The following SCFD1 variants were observed in gnomAD, a reference collection of about 807,000 sequenced individuals.
SCFD1 encodes the protein sec1 family domain containing 1.
In SCFD1, 37 loss-of-function variants were observed where a neutral mutation model predicts 103.2. The observed-to-expected ratio is 0.36, with a 90% CI of 0.28 to 0.47. The LOEUF (loss-of-function observed/expected upper bound fraction) is 0.47, where lower values mean the gene tolerates loss of function less well. Ranked by LOEUF, SCFD1 falls within the 20% of genes least tolerant of loss-of-function variation. The pLI, the probability that SCFD1 is intolerant of heterozygous loss-of-function variation, is 1.00. For synonymous variants in SCFD1, 264 were observed against 245.0 expected (o/e 1.08, Z -0.73); for missense variants, 639 against 761.2 (o/e 0.84, Z 1.89).
At chr14:30,622,267 C>A, upstream of SCFD1, 1 of 1,577,138 alleles carries the variant, frequency 6.3e-7, no homozygotes, top group Non-Finnish European at 8.6e-7. Flanking sequence ...GCTTTGCTTC[C>A]GGGGCGGTAA....
rs1057410226 is a variant in SCFD1, at chr14:30,628,414, G to C, written c.132+135G>C. On this transcript the variant is annotated intron_variant, in intron 2 of 24. Transcript: ENST00000458591. ...TGAATGTTTTATCCTTATTTAACATGATCTCTTAATATGAATTGTTTTGAC... is the reference window on the plus strand; with the variant it reads ...TGAATGTTTTATCCTTATTTAACATCATCTCTTAATATGAATTGTTTTGAC... The C allele has an allele frequency of 1.5e-5, 9 of 590,606 alleles. 1 individual carries two copies. In the East Asian group the frequency reaches 2.3e-4, roughly 15 times the overall value. The allele number at this position is 590,606 out of a possible 1,614,324, so 36.6% of individuals were successfully genotyped here. A position where few individuals can be genotyped will look rare whatever the true frequency, so the allele number is the denominator to read the frequency against.
At position 30,694,914 on chromosome 14, in the gene SCFD1, G is replaced by A. The variant is rs75019035; in HGVS notation, c.1339+45G>A. The A allele has an allele frequency of 4.5e-3, 6,970 of 1,555,670 alleles. 268 individuals are homozygous for A. In the African/African-American group the frequency reaches 0.085, roughly 19 times the overall value. On this transcript the variant is annotated intron_variant, in intron 15 of 24. Transcript: ENST00000458591. ...GGTTAATGTAAGTTTCATATCTGACGAAAGCAGCATTTTCAATTGAGTAAA... is the reference window on the plus strand; with the variant it reads ...GGTTAATGTAAGTTTCATATCTGACAAAAGCAGCATTTTCAATTGAGTAAA...
intron 15 of SCFD1, among the ~76,000 whole-genome samples, chr14:30,698,834 C>T (rs1338668414): frequency 6.6e-6 from 1 of 152,140 alleles, no homozygotes; most frequent in Non-Finnish European, 1.5e-5. Context: ...TTCATGAATT[C>T]CTGGGTTCAC....
intron 19 of SCFD1, among the ~76,000 whole-genome samples, chr14:30,713,959 C>T (rs983827087): frequency 1.3e-5 from 2 of 152,210 alleles, no homozygotes; most frequent in African/African-American, 2.4e-5. Flanking sequence ...TTATTTAAAG[C>T]ACATTTAAAT....
chr14:30,675,094 A>G (rs773285583), intron 14 of SCFD1, 29 bp downstream of exon 14: 5 of 1,246,784 alleles, frequency 4.0e-6, no homozygotes, highest in East Asian at 2.5e-5. Flanking sequence ...CCCCCACAAT[A>G]TGACTTGCAT....
intron 10 of SCFD1, among the ~76,000 whole-genome samples, chr14:30,664,293 G>C (rs921405391): frequency 1.3e-5 from 2 of 152,092 alleles, no homozygotes; most frequent in Non-Finnish European, 2.9e-5. Flanking sequence ...AACTCCAACA[G>C]ACCTGCAGCT....
intron 15 of SCFD1, among the ~76,000 whole-genome samples, chr14:30,699,346 T>C (rs1239969840): frequency 6.6e-6 from 1 of 152,160 alleles, no homozygotes; most frequent in Non-Finnish European, 1.5e-5. Flanking sequence ...ATACAACAAT[T>C]CTGAGTTCTT....
intron 9 of SCFD1, among the ~76,000 whole-genome samples, chr14:30,652,930 G>C (rs746290471): frequency 6.6e-6 from 1 of 152,024 alleles, no homozygotes; most frequent in East Asian, 1.9e-4. Context: ...GATTACTTGA[G>C]CCTGGGAAGT....
At chr14:30,663,749 C>T (rs1887656991) in intron 10 of SCFD1, among the ~76,000 whole-genome samples, 1 of 152,226 alleles carries the variant, frequency 6.6e-6, no homozygotes. Flanking sequence ...CTTAAAAGCA[C>T]TGCCTCTGAA....
At chr14:30,697,985 A>G (rs1890810765) in intron 15 of SCFD1, among the ~76,000 whole-genome samples, 2 of 152,180 alleles carry the variant, frequency 1.3e-5, no homozygotes, top group African/African-American at 4.8e-5. Flanking sequence ...GTCATGTAGT[A>G]TATCACATCG....
chr14:30,631,361 A>G (rs555102336), intron 3 of SCFD1, among the ~76,000 whole-genome samples: 1 of 152,294 alleles, frequency 6.6e-6, no homozygotes, highest in East Asian at 1.9e-4. Context: ...TCAAAATTTA[A>G]AAAAAATTAA....
chr14:30,702,640 A>G (rs1891159397), intron 17 of SCFD1, among the ~76,000 whole-genome samples: 1 of 152,214 alleles, frequency 6.6e-6, no homozygotes, highest in South Asian at 2.1e-4. Context: ...GTCTGGAGTC[A>G]AATGTCTCCA....
Position 30,650,643 on chromosome 14 carries a change from C to A in SCFD1, c.748C>A (p.Gln250Lys). 1 of 1,574,198 alleles carries A rather than the reference C, an allele frequency of 6.4e-7. No homozygotes were observed. The highest frequency in any genetic ancestry group is 8.7e-7 in the Non-Finnish European group (1 of 1,144,996). ...TACAGGTGATACACTTGGAGCTGGC[C>A]AATTCAGGTATTACTGTTATTAAAT... is the stretch of plus-strand genomic sequence containing the variant. The part of the protein sequence containing the change: ...LFTGDTLGAG[Q>K]FSFQRPLLVL... The change falls in exon 9 of 25, where the codon CAA becomes AAA. Residue 250 changes from glutamine to lysine, a missense_variant. Physicochemically the swap from Gln to Lys is moderately conservative, Grantham distance 53. Transcript: ENST00000458591.
intron 6 of SCFD1, among the ~76,000 whole-genome samples, chr14:30,642,483 A>C (rs572719214): frequency 6.6e-6 from 1 of 152,248 alleles, no homozygotes; most frequent in South Asian, 2.1e-4. Flanking sequence ...CGTCCAGAGA[A>C]TTTTTCCCCA....
chr14:30,720,618 G>C (rs1892590136), intron 21 of SCFD1, among the ~76,000 whole-genome samples: 3 of 151,980 alleles, frequency 2.0e-5, no homozygotes, highest in Admixed American at 6.6e-5. Flanking sequence ...TTTTTTTCTT[G>C]TGTTTATTCT....
At chr14:30,704,772 A>G (rs1891354335) in intron 17 of SCFD1, among the ~76,000 whole-genome samples, 1 of 152,180 alleles carries the variant, frequency 6.6e-6, no homozygotes. Context: ...AAGAATCATT[A>G]TGAAAGAATA....
chr14:30,694,637 C>T, intron 14 of SCFD1, 136 bp from the exon 15 acceptor site: 1 of 1,278,108 alleles, frequency 7.8e-7, no homozygotes, highest in Non-Finnish European at 1.0e-6. Context: ...CCTGGTACTT[C>T]TGAACTGTAC....
intron 10 of SCFD1, among the ~76,000 whole-genome samples, chr14:30,656,414 A>G (rs965235945): frequency 2.0e-5 from 3 of 152,172 alleles, no homozygotes; most frequent in South Asian, 4.2e-4. Flanking sequence ...GGCATTATTG[A>G]CGTTTTGGAC....
chr14:30,703,962 T>TATATATAA (rs1566646075), intron 17 of SCFD1, among the ~76,000 whole-genome samples: 2 of 42,364 alleles, frequency 4.7e-5, no homozygotes, highest in Non-Finnish European at 6.7e-5. Context: ...TATATATATA[T>TATATATAA]AAATAATGAG....
Sources: allele counts gnomAD v4.1 joint callset (sites outside exome capture counted in the v4.1 genomes callset), GRCh38; gene constraint gnomAD v4.1.1; transcripts MANE v1.5; gene names NCBI Gene and HGNC (gene_info 2026-07-23, HGNC 2026-07-21).